Variants in MECOM observed in about 807,000 individuals in gnomAD.
MECOM encodes the protein MDS1 and EVI1 complex locus.
MECOM carries 13 observed loss-of-function variants against 116.3 expected under a neutral mutation model. The observed-to-expected ratio is 0.11, with a 90% CI of 0.07 to 0.18. MECOM has a LOEUF of 0.18. Ranked by LOEUF, MECOM falls within the 10% of genes least tolerant of loss-of-function variation. MECOM has a pLI of 1.00. For missense variants in MECOM, 1,299 were observed against 1,509.0 expected (o/e 0.86, Z 2.31); for synonymous variants, 528 against 535.2 (o/e 0.99, Z 0.19).
At chr3:169,264,234 G>GTTA (rs1451794630) in intron 2 of MECOM, among the ~76,000 whole-genome samples, 196 of 152,294 alleles carry the variant, frequency 1.3e-3, no homozygotes, top group Admixed American at 0.013. Context: ...TAAATTGGTG[G>GTTA]TGGTGGTTTA....
intron 1 of MECOM, among the ~76,000 whole-genome samples, chr3:169,507,615 G>A (rs909253954): frequency 7.3e-6 from 1 of 137,524 alleles, no homozygotes; most frequent in East Asian, 2.3e-4. Flanking sequence ...ATGGTGGAAA[G>A]AGCAAAGACC....
chr3:169,485,385 T>C (rs1751997739), intron 1 of MECOM, among the ~76,000 whole-genome samples: 3 of 152,206 alleles, frequency 2.0e-5, no homozygotes, highest in Non-Finnish European at 4.4e-5. Context: ...CCAATCACTT[T>C]GTAGTCAACA....
chr3:169,414,907 A>G (rs974343530), intron 1 of MECOM, among the ~76,000 whole-genome samples: 5 of 152,246 alleles, frequency 3.3e-5, no homozygotes, highest in Admixed American at 6.5e-5. Flanking sequence ...CCTATGTTTG[A>G]TGGGCATACC....
At chr3:169,255,474 G>A (rs1479386118) in intron 2 of MECOM, among the ~76,000 whole-genome samples, 2 of 151,776 alleles carry the variant, frequency 1.3e-5, no homozygotes, top group Admixed American at 6.6e-5. Flanking sequence ...AAAAGAAAAC[G>A]TGTGGCTCAG....
At chr3:169,360,708 G>A (rs1446809273) in intron 2 of MECOM, among the ~76,000 whole-genome samples, 1 of 151,750 alleles carries the variant, frequency 6.6e-6, no homozygotes, top group Non-Finnish European at 1.5e-5. Context: ...AAATTCACAG[G>A]ATGGCCAGGG....
intron 1 of MECOM, among the ~76,000 whole-genome samples, chr3:169,454,534 T>G (rs1360350275): frequency 6.6e-6 from 1 of 152,176 alleles, no homozygotes; most frequent in Non-Finnish European, 1.5e-5. Context: ...ATTTTGTTTT[T>G]ATTATTCCTA....
chr3:169,407,454 A>T (rs1311192185), intron 1 of MECOM, among the ~76,000 whole-genome samples: 1 of 137,070 alleles, frequency 7.3e-6, no homozygotes, highest in Non-Finnish European at 1.6e-5. Context: ...TCACAAAAAC[A>T]TTTTTTGTAA....
chr3:169,558,511 A>G (rs983025747), intron 1 of MECOM, among the ~76,000 whole-genome samples: 1 of 152,214 alleles, frequency 6.6e-6, no homozygotes, highest in African/African-American at 2.4e-5. Context: ...TGATAAAATT[A>G]AAGTATTTCA....
intron 2 of MECOM, among the ~76,000 whole-genome samples, chr3:169,277,410 T>A (rs1329567061): frequency 1.3e-5 from 2 of 152,198 alleles, no homozygotes; most frequent in African/African-American, 4.8e-5. Context: ...TTCTAATTCT[T>A]CTGTTTCTAT....
chr3:169,425,864 CA>C (rs1740577061), intron 1 of MECOM, among the ~76,000 whole-genome samples: 2 of 151,932 alleles, frequency 1.3e-5, no homozygotes. Context: ...AAAATGTTTG[CA>C]ACACAGTGAG....
intron 1 of MECOM, among the ~76,000 whole-genome samples, chr3:169,422,768 C>A (rs989821502): frequency 6.6e-6 from 1 of 152,030 alleles, no homozygotes; most frequent in Non-Finnish European, 1.5e-5. Context: ...ACTTCATAGT[C>A]AAAAAATACT....
chr3:169,200,940 T>G (rs1282249309), intron 2 of MECOM, among the ~76,000 whole-genome samples: 2 of 152,092 alleles, frequency 1.3e-5, no homozygotes, highest in Non-Finnish European at 2.9e-5. Flanking sequence ...GGTCAAATGG[T>G]GATTACTTCT....
intron 2 of MECOM, among the ~76,000 whole-genome samples, chr3:169,339,254 A>G (rs923199751): frequency 6.6e-6 from 1 of 152,206 alleles, no homozygotes; most frequent in Non-Finnish European, 1.5e-5. Flanking sequence ...ACTCCACACC[A>G]GGGGTTTTCA....
At chr3:169,251,108 G>A (rs1024166171) in intron 2 of MECOM, among the ~76,000 whole-genome samples, 2 of 152,152 alleles carry the variant, frequency 1.3e-5, no homozygotes, top group South Asian at 4.1e-4. Context: ...GGAGAAGTTA[G>A]CAATTTTAAC....
intron 2 of MECOM, among the ~76,000 whole-genome samples, chr3:169,361,399 C>G (rs773740027): frequency 1.1e-4 from 16 of 151,732 alleles, no homozygotes; most frequent in Non-Finnish European, 2.1e-4. Flanking sequence ...CTCAAGAGCT[C>G]TAACCTAAAA....
intron 1 of MECOM, among the ~76,000 whole-genome samples, chr3:169,476,521 G>T (rs886962497): frequency 6.6e-6 from 1 of 152,132 alleles, no homozygotes; most frequent in Non-Finnish European, 1.5e-5. Context: ...AGCGGCAGGG[G>T]CACATCAATC....
intron 1 of MECOM, among the ~76,000 whole-genome samples, chr3:169,517,848 G>A (rs1560382609): frequency 6.6e-6 from 1 of 152,128 alleles, no homozygotes; most frequent in African/African-American, 2.4e-5. Flanking sequence ...AAAAAAGAGA[G>A]AAAAAATAAG....
At chr3:169,602,862 T>C (rs1053276593) in intron 1 of MECOM, among the ~76,000 whole-genome samples, 2 of 152,100 alleles carry the variant, frequency 1.3e-5, no homozygotes, top group Non-Finnish European at 2.9e-5. Context: ...GTTCTGAAAG[T>C]TTTGAAATGC....
rs57253035 is a variant in MECOM, at chr3:169,550,511, G to A, written c.37+112825C>T. Among the ~76,000 whole-genome samples the A allele has an allele frequency of 9.9e-5, 15 of 152,160 alleles. 1 individual carries two copies. The highest frequency in any genetic ancestry group is 3.1e-4 in the African/African-American group (13 of 41,450). ...TAGTGAAGTAACAGAACCAGGCTAC[G>A]CCACAAGGAACTCAAGAGGTGTGCT... On this transcript the variant is annotated intron_variant, in intron 1 of 16. Transcript: ENST00000651503.
Sources: allele counts gnomAD v4.1 joint callset (sites outside exome capture counted in the v4.1 genomes callset), GRCh38; gene constraint gnomAD v4.1.1; transcripts MANE v1.5; gene names NCBI Gene and HGNC (gene_info 2026-07-23, HGNC 2026-07-21).